The following ZIC5 variants were observed in gnomAD, a reference collection of about 807,000 sequenced individuals.
The protein encoded by ZIC5 is Zic family zinc finger 5.
Under a neutral mutation model 28.5 loss-of-function variants are expected in ZIC5, and 20 were observed. The ratio of observed to expected loss-of-function variants is 0.70; its 90% confidence interval spans 0.49 to 1.02. ZIC5 has a LOEUF of 1.02. Among genes scored for constraint, ZIC5 ranks in the 50% least tolerant of loss-of-function variants. The pLI, the probability that ZIC5 is intolerant of heterozygous loss-of-function variation, is 0.00. For missense variants in ZIC5, 951 were observed against 899.7 expected, an observed-to-expected ratio of 1.06 and a Z score of -0.73; for synonymous variants, 488 against 410.4, an observed-to-expected ratio of 1.19 and a Z score of -2.29.
rs1344974510 is a variant in ZIC5 at position 99,971,257 on chromosome 13, CCGCCGCAGGGGTAGCTGCCCG to C, written c.326_346del (p.Ala109_Gly115del). ...GGAGGGCTGCGCGCCACTGCTGCCC[CCGCCGCAGGGGTAGCTGCCCG>C]CGCCGGGGTGCGCGACCAAGGCTGC... On this transcript the variant is annotated inframe_deletion, in exon 1 of 2. Transcript: ENST00000267294. The C allele has an allele frequency of 3.0e-6, 4 of 1,331,276 alleles. No homozygotes were observed. Among genetic ancestry groups the C allele is most frequent in the African/African-American group, 1.5e-5 (1 of 64,802 alleles). 82.5% of individuals were successfully genotyped at this position (1,331,276 alleles called of 1,614,324 possible).
intron 1 of ZIC5, among the ~76,000 whole-genome samples, chr13:99,968,704 C>T (rs1458826557): frequency 6.6e-6 from 1 of 152,214 alleles, no homozygotes; most frequent in African/African-American, 2.4e-5. Flanking sequence ...AAGTGCTGGG[C>T]ACAGGAGCGA....
At chr13:99,969,652 G>A (rs914506916) in intron 1 of ZIC5, among the ~76,000 whole-genome samples, 4 of 152,154 alleles carry the variant, frequency 2.6e-5, no homozygotes, top group Non-Finnish European at 5.9e-5. Flanking sequence ...CTCGGAGCGC[G>A]GAGACTGCGC....
At position 99,965,051 on chromosome 13, in the gene ZIC5, G is replaced by A. The variant is rs12869870; in HGVS notation, c.*326C>T. The A allele has an allele frequency of 0.22, 31,455 of 141,360 alleles. 3,465 individuals are homozygous for A. Among genetic ancestry groups the A allele is most frequent in the South Asian group, 0.23 (1,040 of 4,528 alleles). 8.8% of individuals were successfully genotyped at this position (141,360 alleles called of 1,614,324 possible). A position where few individuals can be genotyped will look rare whatever the true frequency, so the allele number is the denominator to read the frequency against. ...TATATATATATATATATATTGCATC[G>A]GCAGTGTGTATCGCCATTAACTAAT... On this transcript the variant is annotated 3_prime_UTR_variant, in exon 2 of 2. Transcript: ENST00000267294.
Position 99,970,404 on chromosome 13 carries a change from C to A in ZIC5, c.1200G>T (p.Pro400=). 8.0e-7 allele frequency: 1 copy of A among 1,244,850 alleles called. No individual in the cohort carries two copies. Among genetic ancestry groups the A allele is most frequent in the Non-Finnish European group, 1.0e-6 (1 of 992,824 alleles). 77.1% of individuals were successfully genotyped at this position (1,244,850 alleles called of 1,614,324 possible). Residue 400 remains proline (P), a synonymous_variant, in exon 1 of 2, where the codon CCG becomes CCT. Transcript: ENST00000267294. ...PPPPPPPPPP[P]AGGAKPCSKT... ...TGGAGCAGGGCTTGGCGCCGCCGGCCGGGGGCGGTGGCGGCGGCGGCGGCG... is the reference window on the plus strand; with the variant it reads ...TGGAGCAGGGCTTGGCGCCGCCGGCAGGGGGCGGTGGCGGCGGCGGCGGCG...
intron 1 of ZIC5, among the ~76,000 whole-genome samples, chr13:99,967,788 C>G (rs1212928566): frequency 6.6e-6 from 1 of 152,176 alleles, no homozygotes; most frequent in African/African-American, 2.4e-5. Flanking sequence ...ACGGAGAAAA[C>G]AGAAGAAAAC....
Position 99,970,919 on chromosome 13 carries a change from C to A in ZIC5, c.685G>T (p.Gly229Cys), listed in dbSNP as rs1259900835. 1 of 1,366,208 alleles carries A rather than the reference C, an allele frequency of 7.3e-7. No homozygotes were observed. Among genetic ancestry groups the A allele is most frequent in the Non-Finnish European group, 9.3e-7 (1 of 1,070,610 alleles). The allele number at this position is 1,366,208 out of a possible 1,614,324, so 84.6% of individuals were successfully genotyped here. A position where few individuals can be genotyped will look rare whatever the true frequency, so the allele number is the denominator to read the frequency against. Reference protein sequence around the residue: ...SASGTYAGPDGSGGPALFPAL... With the variant: ...SASGTYAGPDCSGGPALFPAL... ...GGGAAGAGCGCCGGGCCGCCGCTGC[C>A]GTCCGGGCCCGCGTAGGTGCCGCTG... is the stretch of plus-strand genomic sequence containing the variant. The change falls in exon 1 of 2, where the codon GGC becomes TGC. Residue 229 changes from glycine to cysteine, a missense_variant. By Grantham distance (159) the Gly-to-Cys change is radical. Around this residue, in one of 3 missense-constraint regions of ZIC5, gnomAD observed 784 missense variants for 660.1 expected, o/e 1.19. Coordinates refer to ENST00000267294, the MANE Select transcript of ZIC5 (RefSeq NM_033132.5).
Position 99,970,896 on chromosome 13 carries a change from G to T in ZIC5, c.708C>A (p.Phe236Leu). ...CCCCCGGCGTGTCGTGCAGCGCGGG[G>T]AAGAGCGCCGGGCCGCCGCTGCCGT... ...GPDGSGGPAL[F>L]PALHDTPGAP... The change falls in exon 1 of 2, where the codon TTC becomes TTA. Residue 236 changes from phenylalanine to leucine, a missense_variant. By Grantham distance (22) the Phe-to-Leu change is conservative. Coordinates refer to ENST00000267294, the MANE Select transcript of ZIC5 (RefSeq NM_033132.5). 2 of 1,340,452 alleles carry T rather than the reference G, an allele frequency of 1.5e-6. No individual in the cohort carries two copies. Among genetic ancestry groups the T allele is most frequent in the Non-Finnish European group, 9.5e-7 (1 of 1,056,294 alleles). 83.0% of individuals were successfully genotyped at this position (1,340,452 alleles called of 1,614,324 possible). A position where few individuals can be genotyped will look rare whatever the true frequency, so the allele number is the denominator to read the frequency against.
rs2053081241 is a variant in ZIC5, at chr13:99,964,480, A to C, written c.*897T>G. 1.2e-5 allele frequency: 1 copy of C among 82,276 alleles called. No individual in the cohort carries two copies. Among genetic ancestry groups the C allele is most frequent in the Non-Finnish European group, 2.3e-5 (1 of 43,258 alleles). 5.1% of individuals were successfully genotyped at this position (82,276 alleles called of 1,614,324 possible). ...ACACAGTTAGGAGGCAGTATCTGAG[A>C]ATTCAGATAAAAAAAAAAAAACATA... On this transcript the variant is annotated 3_prime_UTR_variant, in exon 2 of 2. Coordinates refer to ENST00000267294, the MANE Select transcript of ZIC5 (RefSeq NM_033132.5).
chr13:99,971,740 C>G lies in ZIC5; in HGVS notation c.-137G>C, dbSNP rs2053163136. Reference sequence around the variant, plus strand: ...TCTTAACTCTGCTTATTCCTGTTCCCACTCTATCCTCCAGCGATTGGCAGA... The same window carrying G: ...TCTTAACTCTGCTTATTCCTGTTCCGACTCTATCCTCCAGCGATTGGCAGA... On this transcript the variant is annotated 5_prime_UTR_variant, in exon 1 of 2. Transcript: ENST00000267294. The G allele has an allele frequency of 6.5e-7, 1 of 1,540,064 alleles. No individual in the cohort carries two copies. Among genetic ancestry groups the G allele is most frequent in the Admixed American group, 2.0e-5 (1 of 50,334 alleles).
rs1360816659 is a variant in ZIC5, at chr13:99,965,472, TG to T, written c.1824del (p.Ser609AlafsTer36). The T allele has an allele frequency of 1.2e-6, 2 of 1,613,976 alleles. No homozygotes were observed. Among genetic ancestry groups the T allele is most frequent in the Non-Finnish European group, 8.5e-7 (1 of 1,180,018 alleles). ...TTGCTGGAAGGGGTGTGGAGGTGGC[TG>T]GGGGCCCCACTGGCCTGGCAAACGT... ...EWYVCQASGA[P>X]SHLHTPSSNG... On this transcript the variant is annotated frameshift_variant, in exon 2 of 2. Coordinates refer to ENST00000267294, the MANE Select transcript of ZIC5 (RefSeq NM_033132.5). LOFTEE classifies it high-confidence loss of function.
At chr13:99,968,179 G>A (rs1286959891) in intron 1 of ZIC5, among the ~76,000 whole-genome samples, 3 of 152,122 alleles carry the variant, frequency 2.0e-5, no homozygotes, top group African/African-American at 7.2e-5. Flanking sequence ...GCGTGGCAGG[G>A]AGGGAAAGAA....
Position 99,971,728 on chromosome 13 carries a change from T to G in ZIC5, c.-125A>C. The G allele has an allele frequency of 6.5e-7, 1 of 1,546,718 alleles. No homozygotes were observed. On this transcript the variant is annotated 5_prime_UTR_variant, in exon 1 of 2. Coordinates refer to ENST00000267294, the MANE Select transcript of ZIC5 (RefSeq NM_033132.5). ...TTTGTCCTGGCCTCTTAACTCTGCT[T>G]ATTCCTGTTCCCACTCTATCCTCCA...
In ZIC5 at chr13:99,963,064, C is replaced by T. The variant is rs2053068921; in HGVS notation, c.*2313G>A. ...TTTATTAAATTTGTTACTTCATAAT[C>T]ATTCTTGCTTGCTCTCTATTGGAGG... On this transcript the variant is annotated 3_prime_UTR_variant, in exon 2 of 2. Transcript: ENST00000267294. The T allele has an allele frequency of 6.6e-6, 1 of 152,346 alleles. No homozygotes were observed. The highest frequency in any genetic ancestry group is 2.4e-5 in the African/African-American group (1 of 41,442). 9.4% of individuals were successfully genotyped at this position (152,346 alleles called of 1,614,324 possible).
At chr13:99,966,412 G>C (rs1471919801) in intron 1 of ZIC5, among the ~76,000 whole-genome samples, 1 of 152,198 alleles carries the variant, frequency 6.6e-6, no homozygotes, top group African/African-American at 2.4e-5. Flanking sequence ...GAAAGGGAAA[G>C]AGGTAAAACA....
chr13:99,971,273 T>G lies in ZIC5; in HGVS notation c.331A>C (p.Ser111Arg). 7.5e-7 allele frequency: 1 copy of G among 1,337,934 alleles called. No individual in the cohort carries two copies. Among genetic ancestry groups the G allele is most frequent in the Non-Finnish European group, 9.5e-7 (1 of 1,053,528 alleles). 82.9% of individuals were successfully genotyped at this position (1,337,934 alleles called of 1,614,324 possible). A position where few individuals can be genotyped will look rare whatever the true frequency, so the allele number is the denominator to read the frequency against. Residue 111 changes from serine to arginine, a missense_variant, in exon 1 of 2, where the codon AGC becomes CGC. Coordinates refer to ENST00000267294, the MANE Select transcript of ZIC5 (RefSeq NM_033132.5). ...CTGCTGCCCCCGCCGCAGGGGTAGCTGCCCGCGCCGGGGTGCGCGACCAAG... is the reference window on the plus strand; with the variant it reads ...CTGCTGCCCCCGCCGCAGGGGTAGCGGCCCGCGCCGGGGTGCGCGACCAAG... ...AALVAHPGAG[S>R]YPCGGGSSGA...
rs1272049254 is a variant in ZIC5, at chr13:99,965,756, C to T, written c.1541G>A (p.Arg514Gln). The T allele has an allele frequency of 4.3e-6, 7 of 1,614,142 alleles. No homozygotes were observed. Among genetic ancestry groups the T allele is most frequent in the African/African-American group, 1.3e-5 (1 of 75,038 alleles). The change falls in exon 2 of 2, where the codon CGG becomes CAG. Residue 514 changes from arginine to glutamine, a missense_variant. By Grantham distance (43) the Arg-to-Gln change is conservative (BLOSUM62 1). This residue lies in a region of ZIC5 where 59 missense variants were observed against 121.2 expected (regional missense o/e 0.49). Coordinates refer to ENST00000267294, the MANE Select transcript of ZIC5 (RefSeq NM_033132.5). ...CDRKFANSSD[R>Q]KKHSHVHTSD... ...GGTGTGGACATGGGAATGTTTCTTC[C>T]GATCACTGCTATTGGCAAACTTCCT... is the stretch of plus-strand genomic sequence containing the variant.
chr13:99,965,631 G>A lies in ZIC5; in HGVS notation c.1666C>T (p.Pro556Ser). 2 of 1,614,180 alleles carry A rather than the reference G, an allele frequency of 1.2e-6. No homozygotes were observed. Among genetic ancestry groups the A allele is most frequent in the Non-Finnish European group, 1.7e-6 (2 of 1,180,034 alleles). The change falls in exon 2 of 2, where the codon CCA becomes TCA. Residue 556 changes from proline (P) to serine (S), a missense_variant. This residue lies in a region of ZIC5 where 108 missense variants were observed against 118.4 expected (regional missense o/e 0.91). Coordinates refer to ENST00000267294, the MANE Select transcript of ZIC5 (RefSeq NM_033132.5). ...KHMKIHCKSPPPSPGPLGYSS... is the reference protein window; with the variant it reads ...KHMKIHCKSPSPSPGPLGYSS... ...TAACCAAGGGGTCCTGGAGAAGGTG[G>A]CGGGGACTTGCAGTGAATCTTCATG...
Position 99,971,709 on chromosome 13 carries a change from C to T in ZIC5, c.-106G>A, listed in dbSNP as rs11619492. On this transcript the variant is annotated 5_prime_UTR_variant, in exon 1 of 2. Coordinates refer to ENST00000267294, the MANE Select transcript of ZIC5 (RefSeq NM_033132.5). ...TGGGCGCTCTTTAACTTCTTTTGTC[C>T]TGGCCTCTTAACTCTGCTTATTCCT... 11 of 1,550,520 alleles carry T rather than the reference C, an allele frequency of 7.1e-6. No individual in the cohort carries two copies. The highest frequency in any genetic ancestry group is 2.0e-5 in the Admixed American group (1 of 50,958).
chr13:99,967,633 T>C (rs2053109923), intron 1 of ZIC5, among the ~76,000 whole-genome samples: 1 of 152,028 alleles, frequency 6.6e-6, no homozygotes, highest in South Asian at 2.1e-4. Flanking sequence ...CTGTTCAACC[T>C]ACATATCCCG....
Sources: gnomAD v4.1 joint callset for allele counts (sites outside exome capture counted in the v4.1 genomes callset) on GRCh38, gnomAD v4.1.1 for gene constraint, gnomAD v4.1.1 regional missense constraint, MANE v1.5 for transcripts, NCBI Gene and HGNC (gene_info 2026-07-23, HGNC 2026-07-21) for gene names.